TTPA: variants seen among roughly 807,000 people sequenced by gnomAD.
TTPA encodes alpha tocopherol transfer protein, also known as alpha-tocopherol transfer protein.
TTPA carries 23 observed loss-of-function variants against 25.9 expected under a neutral mutation model. The ratio of observed to expected loss-of-function variants is 0.89; its 90% CI spans 0.64 to 1.26. TTPA has a LOEUF of 1.26. Among genes scored for constraint, TTPA ranks in the 50% most tolerant of loss-of-function variants. TTPA has a pLI of 0.00. For missense variants in TTPA, 337 were observed against 353.1 expected (o/e 0.95, Z 0.37); for synonymous variants, 148 against 137.3 (o/e 1.08, Z -0.54).
chr8:63,069,519 C>T (rs909944760), intron 2 of TTPA, among the ~76,000 whole-genome samples: 1 of 151,860 alleles, frequency 6.6e-6, no homozygotes, highest in African/African-American at 2.4e-5. Context: ...TGCTTGAGGC[C>T]AGGAGTGAGA....
intron 1 of TTPA, among the ~76,000 whole-genome samples, chr8:63,080,733 AAAT>A (rs1246680954): frequency 8.3e-4 from 122 of 146,788 alleles, no homozygotes; most frequent in Middle Eastern, 3.6e-3. Context: ...AAAAAAAAAA[AAAT>A]AAATAATAAT....
At chr8:63,069,837 A>G (rs940198631) in intron 2 of TTPA, among the ~76,000 whole-genome samples, 1 of 152,188 alleles carries the variant, frequency 6.6e-6, no homozygotes, top group Non-Finnish European at 1.5e-5. Flanking sequence ...TTTCATCATC[A>G]TAGAAAGTTC....
chr8:63,078,715 G>A (rs1042350570), intron 1 of TTPA, among the ~76,000 whole-genome samples: 1 of 152,214 alleles, frequency 6.6e-6, no homozygotes, highest in African/African-American at 2.4e-5. Context: ...CTTTTGATAG[G>A]TGTACCTGAA....
At chr8:63,072,350 C>T (rs1270485021) in intron 2 of TTPA, among the ~76,000 whole-genome samples, 2 of 152,186 alleles carry the variant, frequency 1.3e-5, no homozygotes, top group African/African-American at 4.8e-5. Flanking sequence ...GCAACCTCTG[C>T]CTCCCAGGTT....
chr8:63,064,391 T>G (rs1209382260), intron 3 of TTPA, 75 bp from the exon 4 acceptor site: 2 of 988,706 alleles, frequency 2.0e-6, no homozygotes, highest in Admixed American at 4.0e-5. Context: ...GTTTCTTCTT[T>G]GAACACTTGC....
At chr8:63,076,346 G>C (rs769685905) in intron 1 of TTPA, among the ~76,000 whole-genome samples, 1 of 152,066 alleles carries the variant, frequency 6.6e-6, no homozygotes, top group African/African-American at 2.4e-5. Context: ...CACTTATCAA[G>C]CTTTCTTTAT....
Position 63,066,009 on chromosome 8 carries a change from A to T in TTPA, c.447T>A (p.Thr149=). The T allele has an allele frequency of 6.2e-7, 1 of 1,614,056 alleles. No homozygotes were observed. Among genetic ancestry groups the T allele is most frequent in the Non-Finnish European group, 8.5e-7 (1 of 1,179,972 alleles). ...AGATAGCCTTGATTCCATTCCGCTG[A>T]GTTTCTACCTCCTGTACAATAAGCT... ...TSELIVQEVE[T]QRNGIKAIFD... Residue 149 remains threonine, a synonymous_variant, in exon 3 of 5, where the codon ACT becomes ACA. Transcript: ENST00000260116.
chr8:63,064,057 T>G, intron 4 of TTPA, 149 bp downstream of exon 4: 1 of 604,810 alleles, frequency 1.7e-6, no homozygotes, highest in Non-Finnish European at 2.9e-6. Flanking sequence ...TTTACTTTTT[T>G]TTAGTTGGCT....
At chr8:63,062,183 A>G (rs1805317602) in intron 4 of TTPA, among the ~76,000 whole-genome samples, 1 of 152,184 alleles carries the variant, frequency 6.6e-6, no homozygotes, top group Non-Finnish European at 1.5e-5. Flanking sequence ...CTGTCTAAAA[A>G]AAAAAAAAGA....
intron 1 of TTPA, among the ~76,000 whole-genome samples, chr8:63,077,873 C>T (rs1325819814): frequency 1.3e-5 from 2 of 152,168 alleles, no homozygotes; most frequent in African/African-American, 4.8e-5. Context: ...GGGTCCTTGA[C>T]CCCCATATAG....
At chr8:63,074,628 C>T (rs1404178382) in intron 1 of TTPA, among the ~76,000 whole-genome samples, 1 of 152,180 alleles carries the variant, frequency 6.6e-6, no homozygotes, top group Non-Finnish European at 1.5e-5. Context: ...CATTTCTCTT[C>T]CTCCTCCAGT....
intron 4 of TTPA, among the ~76,000 whole-genome samples, chr8:63,062,085 C>T (rs1197683879): frequency 6.6e-6 from 1 of 151,660 alleles, no homozygotes. Flanking sequence ...GTCCCAGATA[C>T]TTGGTGGGCT....
intron 1 of TTPA, among the ~76,000 whole-genome samples, chr8:63,080,595 G>A (rs996064308): frequency 2.6e-4 from 39 of 151,752 alleles, no homozygotes; most frequent in East Asian, 7.8e-4. Context: ...GGTGGCGGGC[G>A]TCTGTAGTCC....
chr8:63,069,888 A>G (rs938294107), intron 2 of TTPA, among the ~76,000 whole-genome samples: 5 of 152,234 alleles, frequency 3.3e-5, no homozygotes, highest in Non-Finnish European at 5.9e-5. Flanking sequence ...CCATTGAGGC[A>G]AAAGAAAAAT....
intron 2 of TTPA, 129 bp from the exon 3 acceptor site, chr8:63,066,226 G>T: frequency 1.0e-6 from 1 of 992,134 alleles, no homozygotes; most frequent in Non-Finnish European, 1.5e-6. Flanking sequence ...ATCAAGAATT[G>T]ATTAATAAAT....
In TTPA at chr8:63,064,327, T is replaced by TA. The variant is rs780825444; in HGVS notation, c.553-12dup. 31 of 1,576,062 alleles carry TA rather than the reference T, an allele frequency of 2.0e-5. No individual in the cohort carries two copies. The highest frequency in any genetic ancestry group is 1.7e-4 in the Middle Eastern group (1 of 6,008). Reference sequence around the variant, plus strand: ...CAATGGAAATGAATCCTTTTGAAAATAAAAAAATCTTAATAACAAAACATA... The same window carrying TA: ...CAATGGAAATGAATCCTTTTGAAAATAAAAAAAATCTTAATAACAAAACATA... On this transcript the variant is annotated splice_polypyrimidine_tract_variant and intron_variant, in intron 3 of 4. Coordinates refer to ENST00000260116, the MANE Select transcript of TTPA (RefSeq NM_000370.3).
chr8:63,082,823 G>T (rs1158688089), intron 1 of TTPA, among the ~76,000 whole-genome samples: 1 of 152,130 alleles, frequency 6.6e-6, no homozygotes, highest in Non-Finnish European at 1.5e-5. Context: ...AAAAGTGGGT[G>T]AAGGATATGA....
At chr8:63,076,616 A>G (rs1300620125) in intron 1 of TTPA, among the ~76,000 whole-genome samples, 1 of 152,170 alleles carries the variant, frequency 6.6e-6, no homozygotes, top group Non-Finnish European at 1.5e-5. Context: ...AAAAAAATAT[A>G]TTATGTCCCA....
rs150710403 is a variant in TTPA, at chr8:63,066,004, C to A, written c.452G>T (p.Arg151Leu). The A allele has an allele frequency of 6.2e-7, 1 of 1,614,020 alleles. No individual in the cohort carries two copies. Among genetic ancestry groups the A allele is most frequent in the South Asian group, 1.1e-5 (1 of 91,064 alleles). ...ATCAAAGATAGCCTTGATTCCATTC[C>A]GCTGAGTTTCTACCTCCTGTACAAT... is the stretch of plus-strand genomic sequence containing the variant. ...ELIVQEVETQ[R>L]NGIKAIFDLE... The change falls in exon 3 of 5, where the codon CGG (arginine) becomes CTG (leucine). Residue 151 changes from arginine (R) to leucine (L), a missense_variant. Physicochemically the swap from Arg to Leu is moderately radical, Grantham distance 102. Transcript: ENST00000260116.
Sources: gnomAD v4.1 joint callset for allele counts (sites outside exome capture counted in the v4.1 genomes callset) on GRCh38, gnomAD v4.1.1 for gene constraint, MANE v1.5 for transcripts, NCBI Gene and HGNC (gene_info 2026-07-23, HGNC 2026-07-21) for gene names.